Variants in GNA14 observed in about 807,000 individuals in gnomAD.
GNA14 encodes G protein subunit alpha 14, also known as guanine nucleotide-binding protein subunit alpha-14.
GNA14 carries 50 observed loss-of-function variants against 42.0 expected under a neutral mutation model. That is an observed-to-expected ratio of 1.19 (90% CI 0.95 to 1.51). GNA14 has a LOEUF of 1.51. GNA14 is among the 40% of genes most tolerant of loss of function. The pLI is 0.00. For missense variants in GNA14, 473 were observed against 446.2 expected, an observed-to-expected ratio of 1.06 and a Z score of -0.54; for synonymous variants, 173 against 163.1, an observed-to-expected ratio of 1.06 and a Z score of -0.46.
At chr9:77,626,205 T>C (rs1262363023) in intron 1 of GNA14, among the ~76,000 whole-genome samples, 1 of 152,166 alleles carries the variant, frequency 6.6e-6, no homozygotes, top group Non-Finnish European at 1.5e-5. Flanking sequence ...CCTAAATATA[T>C]ATGCACCCAA....
intron 2 of GNA14, among the ~76,000 whole-genome samples, chr9:77,452,330 C>G (rs1298790046): frequency 3.3e-5 from 5 of 152,092 alleles, no homozygotes; most frequent in African/African-American, 1.2e-4. Flanking sequence ...CTAACTCTTA[C>G]CAAATTTTGA....
At chr9:77,516,977 C>A (rs1003377274) in intron 2 of GNA14, among the ~76,000 whole-genome samples, 1 of 152,170 alleles carries the variant, frequency 6.6e-6, no homozygotes, top group Admixed American at 6.5e-5. Flanking sequence ...TGGACTCAGA[C>A]GTGTGAACAG....
chr9:77,561,807 G>A lies in GNA14; in HGVS notation c.125-32554C>T, dbSNP rs111947930. 1.7e-3 allele frequency among the ~76,000 whole-genome samples: 256 copies of A among 152,314 alleles called. 1 individual carries two copies. The highest frequency in any genetic ancestry group is 2.9e-3 in the Non-Finnish European group (198 of 68,008). Reference sequence around the variant, plus strand: ...TGTTAGTTAGTGCAAAACCTAGGAAGCTAGAAATTGATGACATTTTCCTTC... The same window carrying A: ...TGTTAGTTAGTGCAAAACCTAGGAAACTAGAAATTGATGACATTTTCCTTC... On this transcript the variant is annotated intron_variant, in intron 1 of 6. Transcript: ENST00000341700.
At chr9:77,426,494 C>T (rs1054006460) in intron 5 of GNA14, among the ~76,000 whole-genome samples, 6 of 152,040 alleles carry the variant, frequency 3.9e-5, no homozygotes, top group African/African-American at 7.2e-5. Flanking sequence ...TTAATAGAGA[C>T]GGGGTTTCAC....
chr9:77,437,436 C>G (rs113454572), intron 2 of GNA14, among the ~76,000 whole-genome samples: 2,094 of 152,074 alleles, frequency 0.014, 21 homozygotes, highest in Non-Finnish European at 0.021. Context: ...ATCCCAGCTA[C>G]TCGGGAGGCT....
chr9:77,484,644 T>A (rs1257397023), intron 2 of GNA14, among the ~76,000 whole-genome samples: 1 of 152,200 alleles, frequency 6.6e-6, no homozygotes, highest in African/African-American at 2.4e-5. Flanking sequence ...CCTTTATCCA[T>A]GGAGGGTATA....
chr9:77,524,191 T>C (rs1837400711), intron 2 of GNA14, among the ~76,000 whole-genome samples: 1 of 152,186 alleles, frequency 6.6e-6, no homozygotes, highest in Non-Finnish European at 1.5e-5. Context: ...TTTAATAAAA[T>C]AAGCAGGCAA....
chr9:77,428,062 G>C (rs951606623), intron 5 of GNA14, among the ~76,000 whole-genome samples: 1 of 150,990 alleles, frequency 6.6e-6, no homozygotes, highest in African/African-American at 2.4e-5. Context: ...CCAAGAGATG[G>C]CATTTTTTCT....
chr9:77,456,760 A>G (rs1322768716), intron 2 of GNA14, among the ~76,000 whole-genome samples: 1 of 152,210 alleles, frequency 6.6e-6, no homozygotes, highest in Non-Finnish European at 1.5e-5. Context: ...TCCAAAGGAT[A>G]TTATTTATAC....
intron 1 of GNA14, among the ~76,000 whole-genome samples, chr9:77,590,044 G>T (rs1823368303): frequency 6.6e-6 from 1 of 151,998 alleles, no homozygotes; most frequent in African/African-American, 2.4e-5. Flanking sequence ...AGCCTCCCGA[G>T]TAACTGGAAC....
intron 2 of GNA14, among the ~76,000 whole-genome samples, chr9:77,503,866 G>C (rs1223125058): frequency 6.6e-6 from 1 of 151,994 alleles, no homozygotes. Context: ...ATTTGTAGTA[G>C]AGATGGGGTT....
At chr9:77,491,438 A>G (rs549682326) in intron 2 of GNA14, among the ~76,000 whole-genome samples, 1 of 152,348 alleles carries the variant, frequency 6.6e-6, no homozygotes, top group East Asian at 1.9e-4. Context: ...ATAAAGACAC[A>G]CAGAGATGGA....
intron 2 of GNA14, among the ~76,000 whole-genome samples, chr9:77,472,102 T>G (rs552651187): frequency 2.0e-5 from 3 of 152,020 alleles, no homozygotes; most frequent in African/African-American, 7.3e-5. Flanking sequence ...TAAAACCAAC[T>G]CCATACAGCT....
intron 2 of GNA14, among the ~76,000 whole-genome samples, chr9:77,451,994 C>T (rs937296694): frequency 5.9e-5 from 9 of 152,164 alleles, no homozygotes; most frequent in African/African-American, 1.7e-4. Context: ...GAACATTTCA[C>T]TCAATCTAGT....
At chr9:77,459,524 G>C (rs528048256) in intron 2 of GNA14, among the ~76,000 whole-genome samples, 2 of 152,000 alleles carry the variant, frequency 1.3e-5, no homozygotes, top group East Asian at 3.9e-4. Context: ...CCCAACATAC[G>C]GCCCCAGGCA....
chr9:77,501,042 C>T (rs1434937011), intron 2 of GNA14, among the ~76,000 whole-genome samples: 1 of 152,102 alleles, frequency 6.6e-6, no homozygotes, highest in East Asian at 1.9e-4. Context: ...GCAACCTCCG[C>T]CTCCCGGGTT....
chr9:77,471,020 A>G (rs1836320932), intron 2 of GNA14, among the ~76,000 whole-genome samples: 1 of 152,204 alleles, frequency 6.6e-6, no homozygotes, highest in Non-Finnish European at 1.5e-5. Flanking sequence ...GTGGGGACAC[A>G]GAGTCAAACC....
At chr9:77,519,256 C>G (rs897893666) in intron 2 of GNA14, among the ~76,000 whole-genome samples, 1 of 151,914 alleles carries the variant, frequency 6.6e-6, no homozygotes, top group Non-Finnish European at 1.5e-5. Context: ...ACTAAAAATA[C>G]AAAAATTAGC....
At chr9:77,442,481 T>C (rs1411179796) in intron 2 of GNA14, among the ~76,000 whole-genome samples, 1 of 152,238 alleles carries the variant, frequency 6.6e-6, no homozygotes, top group Non-Finnish European at 1.5e-5. Context: ...GATGTTTTAC[T>C]CCTGGGGCTT....
Sources: allele counts gnomAD v4.1 joint callset (sites outside exome capture counted in the v4.1 genomes callset), GRCh38; gene constraint gnomAD v4.1.1; transcripts MANE v1.5; gene names NCBI Gene and HGNC (gene_info 2026-07-23, HGNC 2026-07-21).